Variants in SEPTIN10 observed in about 807,000 individuals in gnomAD.
SEPTIN10 encodes septin 10, also known as septin-10.
A neutral mutation model predicts 54.8 loss-of-function variants in SEPTIN10; 66 were observed. That is an observed-to-expected ratio of 1.21 (90% CI 0.99 to 1.48). SEPTIN10 has a LOEUF of 1.48. SEPTIN10 is among the 40% of genes most tolerant of loss of function. The pLI is 0.00. For synonymous variants in SEPTIN10, 161 were observed against 181.0 expected (o/e 0.89, Z 0.89); for missense variants, 620 against 545.6 (o/e 1.14, Z -1.36).
chr2:109,549,856 CTCTT>C (rs1448219955), intron 9 of SEPTIN10, among the ~76,000 whole-genome samples: 2 of 152,118 alleles, frequency 1.3e-5, no homozygotes, highest in Admixed American at 1.3e-4. Flanking sequence ...TGAATGTGGT[CTCTT>C]TCTCTCTCAA....
chr2:109,576,770 A>G (rs1689769305), intron 4 of SEPTIN10, among the ~76,000 whole-genome samples: 2 of 152,224 alleles, frequency 1.3e-5, no homozygotes, highest in African/African-American at 4.8e-5. Context: ...ATAATATGCC[A>G]TTCTTTCATA....
intron 5 of SEPTIN10, among the ~76,000 whole-genome samples, chr2:109,573,719 T>C (rs961448993): frequency 6.6e-6 from 1 of 152,260 alleles, no homozygotes; most frequent in Non-Finnish European, 1.5e-5. Flanking sequence ...TGGAAAATTC[T>C]AACGTTTCTT....
chr2:109,549,148 C>G (rs781735014), intron 9 of SEPTIN10, among the ~76,000 whole-genome samples: 1 of 152,110 alleles, frequency 6.6e-6, no homozygotes, highest in Non-Finnish European at 1.5e-5. Flanking sequence ...TCATTCAAAT[C>G]GGTGGCACAA....
intron 4 of SEPTIN10, among the ~76,000 whole-genome samples, chr2:109,576,314 G>A (rs1321500287): frequency 2.0e-5 from 3 of 151,848 alleles, no homozygotes; most frequent in Non-Finnish European, 4.4e-5. Flanking sequence ...GCCCGGGCTG[G>A]TCTTGAACTC....
At chr2:109,554,955 G>C (rs373665347) in intron 8 of SEPTIN10, among the ~76,000 whole-genome samples, 2 of 152,224 alleles carry the variant, frequency 1.3e-5, no homozygotes, top group African/African-American at 2.4e-5. Context: ...AGGTCCATTA[G>C]TTCAGCTTCT....
At chr2:109,548,872 T>C (rs1264027436) in intron 9 of SEPTIN10, among the ~76,000 whole-genome samples, 9 of 151,102 alleles carry the variant, frequency 6.0e-5, no homozygotes, top group African/African-American at 2.2e-4. Flanking sequence ...AGCTAAACTC[T>C]GGTCTAATAA....
At chr2:109,587,406 T>C (rs28425740) in intron 2 of SEPTIN10, among the ~76,000 whole-genome samples, 24,419 of 151,702 alleles carry the variant, frequency 0.16, 2,369 homozygotes, top group East Asian at 0.32. Flanking sequence ...ATACCAGTAA[T>C]TGGAATACAA....
chr2:109,605,480 T>TAATA (rs1553450283), intron 1 of SEPTIN10: 7 of 151,962 alleles, frequency 4.6e-5, no homozygotes, highest in East Asian at 3.9e-4. Context: ...CAAAAAATAA[T>TAATA]AATAAATAAA....
intron 1 of SEPTIN10, among the ~76,000 whole-genome samples, chr2:109,602,235 A>C (rs1057105294): frequency 6.6e-6 from 1 of 152,270 alleles, no homozygotes; most frequent in Non-Finnish European, 1.5e-5. Flanking sequence ...AATGAGAGAA[A>C]GTTTGTGATG....
At chr2:109,599,154 G>GA (rs918992834) in intron 1 of SEPTIN10, among the ~76,000 whole-genome samples, 34 of 151,684 alleles carry the variant, frequency 2.2e-4, no homozygotes, top group African/African-American at 6.5e-4. Flanking sequence ...TTACAACCCA[G>GA]AAAAAAAAGA....
At chr2:109,592,952 G>T in intron 2 of SEPTIN10, 99 bp downstream of exon 2, 1 of 676,074 alleles carries the variant, frequency 1.5e-6, no homozygotes, top group Non-Finnish European at 2.3e-6. Context: ...ACAAACAGAA[G>T]TCTCTATCAC....
chr2:109,567,877 C>T lies in SEPTIN10; in HGVS notation c.700G>A (p.Val234Ile), dbSNP rs760804797. 3.5e-5 allele frequency: 56 copies of T among 1,613,834 alleles called. 1 individual carries two copies. The highest frequency in any genetic ancestry group is 4.4e-5 in the South Asian group (4 of 91,040). Residue 234 changes from valine to isoleucine, a missense_variant, in exon 6 of 11, where the codon GTC becomes ATC. Val to Ile is a conservative substitution (Grantham distance 29). Coordinates refer to ENST00000397712, the MANE Select transcript of SEPTIN10 (RefSeq NM_144710.5). Reference protein sequence around the residue: ...KLMSELVSNGVQIYQFPTDDD... With the variant: ...KLMSELVSNGIQIYQFPTDDD... ...TCCGTTGGGAACTGGTATATCTGGA[C>T]GCCATTGCTGACCAATTCACTCATG...
At chr2:109,588,916 C>A (rs1463943138) in intron 2 of SEPTIN10, among the ~76,000 whole-genome samples, 1 of 139,326 alleles carries the variant, frequency 7.2e-6, no homozygotes, top group Non-Finnish European at 1.5e-5. Context: ...GAAATTGAGT[C>A]ATAAAAATTC....
chr2:109,551,929 G>A (rs2104753634), intron 9 of SEPTIN10, among the ~76,000 whole-genome samples: 1 of 152,302 alleles, frequency 6.6e-6, no homozygotes, highest in South Asian at 2.1e-4. Flanking sequence ...AGGTCATCTA[G>A]ACCAGGGGTC....
At chr2:109,573,082 T>C (rs1258651206) in intron 5 of SEPTIN10, among the ~76,000 whole-genome samples, 2 of 152,230 alleles carry the variant, frequency 1.3e-5, no homozygotes, top group Non-Finnish European at 2.9e-5. Context: ...AGGCTCTTAC[T>C]GGGTATGCCT....
intron 1 of SEPTIN10, chr2:109,605,527 A>G (rs1032691013): frequency 1.3e-5 from 2 of 152,216 alleles, no homozygotes; most frequent in African/African-American, 2.4e-5. Flanking sequence ...GTTAATTCAT[A>G]AAAGTATAAC....
At chr2:109,590,095 C>T (rs1323540645) in intron 2 of SEPTIN10, among the ~76,000 whole-genome samples, 1 of 146,792 alleles carries the variant, frequency 6.8e-6, no homozygotes, top group Non-Finnish European at 1.5e-5. Context: ...TATATATACA[C>T]ACATATATAT....
At chr2:109,604,279 G>T (rs945704054) in intron 1 of SEPTIN10, among the ~76,000 whole-genome samples, 5 of 148,740 alleles carry the variant, frequency 3.4e-5, no homozygotes, top group Non-Finnish European at 7.4e-5. Flanking sequence ...AGGAGGCAGA[G>T]GTTGCAGTGG....
chr2:109,565,806 G>C lies in SEPTIN10; in HGVS notation c.816C>G (p.Asn272Lys), dbSNP rs1466429895. ...GGTACTGGCGAGCTTTGACCATCTTGTTTCCGACTTTTACCTCATCCATAC... is the reference window on the plus strand; with the variant it reads ...GGTACTGGCGAGCTTTGACCATCTTCTTTCCGACTTTTACCTCATCCATAC... ...VGSMDEVKVG[N>K]KMVKARQYPW... is the part of the protein sequence containing the mutation. Residue 272 changes from asparagine to lysine, a missense_variant, in exon 7 of 11, where the codon AAC becomes AAG. Transcript: ENST00000397712. 6.2e-7 allele frequency: 1 copy of C among 1,614,020 alleles called. No individual in the cohort carries two copies. Among genetic ancestry groups the C allele is most frequent in the East Asian group, 2.2e-5 (1 of 44,868 alleles).
Sources: allele counts gnomAD v4.1 joint callset (sites outside exome capture counted in the v4.1 genomes callset), GRCh38; gene constraint gnomAD v4.1.1; transcripts MANE v1.5; gene names NCBI Gene and HGNC (gene_info 2026-07-23, HGNC 2026-07-21).